The following KRT85 variants were observed in gnomAD, a reference collection of about 807,000 sequenced individuals.
KRT85 encodes keratin 85.
In KRT85, 39 loss-of-function variants were observed where a neutral mutation model predicts 53.7. That is an observed-to-expected ratio of 0.73 (90% CI 0.56 to 0.95). The LOEUF (loss-of-function observed/expected upper bound fraction) is 0.95. KRT85 is among the 40% of genes least tolerant of loss of function. The probability of loss-of-function intolerance (pLI) is 0.00; values close to 1 mark genes in which losing one functional copy is unlikely to be tolerated. For synonymous variants in KRT85, 291 were observed against 277.5 expected (o/e 1.05, Z -0.48); for missense variants, 668 against 686.0 (o/e 0.97, Z 0.29).
chr12:52,363,908 G>A (rs913815419), intron 4 of KRT85, among the ~76,000 whole-genome samples, 160 bp downstream of exon 4: 1 of 152,200 alleles, frequency 6.6e-6, no homozygotes, highest in Admixed American at 6.5e-5. Flanking sequence ...CGTGGACATG[G>A]CCTCTGTATT....
chr12:52,364,757 A>G (rs954093589), intron 2 of KRT85: 2 of 1,355,642 alleles, frequency 1.5e-6, no homozygotes, highest in African/African-American at 2.9e-5. Flanking sequence ...ATTCCCCCAG[A>G]AGTAGCTCTA....
At chr12:52,361,874 G>A (rs939866388) in intron 7 of KRT85, among the ~76,000 whole-genome samples, 29 of 152,086 alleles carry the variant, frequency 1.9e-4, no homozygotes, top group African/African-American at 6.8e-4. Context: ...TAACACACAG[G>A]CCTGTGTGGC....
intron 1 of KRT85, among the ~76,000 whole-genome samples, chr12:52,366,272 C>T (rs1466282585): frequency 3.3e-5 from 5 of 152,262 alleles, no homozygotes; most frequent in Non-Finnish European, 1.5e-5. Context: ...CTACCACTGT[C>T]CTTGGAAAAT....
Position 52,362,393 on chromosome 12 carries a change from C to G in KRT85, c.1156G>C (p.Ala386Pro). The G allele has an allele frequency of 6.2e-7, 1 of 1,614,218 alleles. No homozygotes were observed. The highest frequency in any genetic ancestry group is 1.1e-5 in the South Asian group (1 of 91,084). ...AALSDARCKL[A>P]ELEGALQKAK... The stretch of plus-strand genomic sequence containing the variant: ...TTCTGCAGGGCGCCCTCCAGCTCAG[C>G]CAGCTTGCAGCGGGCATCGCTGAGG... Residue 386 changes from alanine to proline, a missense_variant, in exon 7 of 9, where the codon GCT becomes CCT. Physicochemically the swap from Ala to Pro is conservative, Grantham distance 27. This residue lies in a region of KRT85 where 488 missense variants were observed against 498.1 expected (regional missense o/e 0.98). Transcript: ENST00000257901.
chr12:52,366,747 T>TACACACACACACATGC (rs1939277241), intron 1 of KRT85, among the ~76,000 whole-genome samples: 1 of 151,798 alleles, frequency 6.6e-6, no homozygotes, highest in Admixed American at 6.6e-5. Flanking sequence ...CACACACATG[T>TACACACACACACATGC]ACACACACAC....
chr12:52,366,062 AG>A (rs1420201646), intron 1 of KRT85, among the ~76,000 whole-genome samples: 1 of 152,194 alleles, frequency 6.6e-6, no homozygotes, highest in Non-Finnish European at 1.5e-5. Flanking sequence ...CTGTGGACAC[AG>A]GAGGAGCCTG....
Position 52,362,339 on chromosome 12 carries a change from T to C in KRT85, c.1210A>G (p.Lys404Glu), listed in dbSNP as rs1395632785. ...GAGTTCATCACCTCCTGGTACTCCT[T>C]GAGCAGGCAGGCCATGTCCTGCTTG... Reference protein sequence around the residue: ...KAKQDMACLLKEYQEVMNSKL... With the variant: ...KAKQDMACLLEEYQEVMNSKL... Residue 404 changes from lysine (K) to glutamate (E), a missense_variant, in exon 7 of 9, where the codon AAG becomes GAG. Physicochemically the swap from Lys to Glu is moderately conservative, Grantham distance 56. Around this residue, in one of 3 missense-constraint regions of KRT85, gnomAD observed 488 missense variants for 498.1 expected, o/e 0.98. Transcript: ENST00000257901. 6.2e-7 allele frequency: 1 copy of C among 1,614,186 alleles called. No homozygotes were observed. The highest frequency in any genetic ancestry group is 8.5e-7 in the Non-Finnish European group (1 of 1,180,018).
At chr12:52,361,665 A>G (rs974127604) in intron 7 of KRT85, among the ~76,000 whole-genome samples, 167 bp from the exon 8 acceptor site, 14 of 152,190 alleles carry the variant, frequency 9.2e-5, no homozygotes, top group Non-Finnish European at 1.6e-4. Flanking sequence ...TGATGGTTTT[A>G]ACCATGAAGA....
At chr12:52,365,697 A>G (rs946270177) in intron 1 of KRT85, among the ~76,000 whole-genome samples, 19 of 152,266 alleles carry the variant, frequency 1.2e-4, no homozygotes, top group Admixed American at 1.0e-3. Flanking sequence ...TATATCATCT[A>G]ACTATGCATT....
chr12:52,366,889 T>C, intron 1 of KRT85, 97 bp downstream of exon 1: 2 of 1,601,558 alleles, frequency 1.2e-6, no homozygotes, highest in South Asian at 2.2e-5. Context: ...CTCTGCTGCC[T>C]CAAACCGGCA....
At position 52,361,016 on chromosome 12, in the gene KRT85, C is replaced by T. The variant is rs751347737; in HGVS notation, c.1361G>A (p.Cys454Tyr). The change falls in exon 9 of 9, where the codon TGT becomes TAT. Residue 454 changes from cysteine (C) to tyrosine (Y), a missense_variant. This residue lies in a region of KRT85 where 488 missense variants were observed against 498.1 expected (regional missense o/e 0.98). Coordinates refer to ENST00000257901, the MANE Select transcript of KRT85 (RefSeq NM_002283.4). ...CVSSSRGGVSCGGLSYSTTPG... is the reference protein window; with the variant it reads ...CVSSSRGGVSYGGLSYSTTPG... ...GGTGGTGCTGTAGGAGAGGCCCCCA[C>T]AGGAGACTCCACCACGGGAGCTGCT... The T allele has an allele frequency of 2.8e-5, 45 of 1,613,358 alleles. No individual in the cohort carries two copies. The highest frequency in any genetic ancestry group is 3.5e-5 in the Non-Finnish European group (41 of 1,179,750).
intron 1 of KRT85, 68 bp downstream of exon 1, chr12:52,366,918 C>A (rs1939280521): frequency 6.2e-7 from 1 of 1,613,168 alleles, no homozygotes; most frequent in Admixed American, 1.7e-5. Flanking sequence ...GTCTCCTCAG[C>A]AGACTGGGAC....
chr12:52,364,015 G>T (rs1939234191), intron 4 of KRT85, 53 bp downstream of exon 4: 4 of 1,372,266 alleles, frequency 2.9e-6, no homozygotes, highest in African/African-American at 2.9e-5. Flanking sequence ...CTGCTCCCCT[G>T]TCTCCAAAAC....
At chr12:52,365,286 T>C (rs1051683604) in intron 1 of KRT85, 116 bp from the exon 2 acceptor site, 4 of 1,149,316 alleles carry the variant, frequency 3.5e-6, no homozygotes, top group Admixed American at 3.9e-5. Context: ...AAGCTGAGTG[T>C]CTGCGGCTCA....
At position 52,360,902 on chromosome 12, in the gene KRT85, C is replaced by G. The variant is rs117675131; in HGVS notation, c.1475G>C (p.Arg492Pro). ...ACTCCCGCAGCTGAAGCTGGAGGAA[C>G]GAGGCTGGCAGGGGGCACAGGAGTC... ...APDSCAPCQPRSSSFSCGSSR... is the reference protein window; with the variant it reads ...APDSCAPCQPPSSSFSCGSSR... Residue 492 changes from arginine (R) to proline (P), a missense_variant, in exon 9 of 9, where the codon CGT (arginine) becomes CCT (proline). Physicochemically the swap from Arg to Pro is moderately radical, Grantham distance 103. Around this residue, in one of 3 missense-constraint regions of KRT85, gnomAD observed 488 missense variants for 498.1 expected, o/e 0.98. Coordinates refer to ENST00000257901, the MANE Select transcript of KRT85 (RefSeq NM_002283.4). The G allele has an allele frequency of 6.2e-7, 1 of 1,612,454 alleles. No individual in the cohort carries two copies. The highest frequency in any genetic ancestry group is 1.7e-5 in the Admixed American group (1 of 60,018).
Position 52,360,709 on chromosome 12 carries a change from GGTCTT to G in KRT85, c.*139_*143del. ...AAAAGGCGCAGGGGAGCGGCCCGAG[GGTCTT>G]TCCCTCTGTAGGTCTTTCCCTCTGT... is the stretch of plus-strand genomic sequence containing the variant. On this transcript the variant is annotated 3_prime_UTR_variant, in exon 9 of 9. Transcript: ENST00000257901. 1.1e-6 allele frequency: 1 copy of G among 940,532 alleles called. No homozygotes were observed. Among genetic ancestry groups the G allele is most frequent in the Non-Finnish European group, 1.7e-6 (1 of 592,752 alleles). 58.3% of individuals were successfully genotyped at this position (940,532 alleles called of 1,614,324 possible). A position where few individuals can be genotyped will look rare whatever the true frequency, so the allele number is the denominator to read the frequency against.
chr12:52,364,600 C>T, intron 2 of KRT85: 3 of 1,441,324 alleles, frequency 2.1e-6, no homozygotes, highest in Non-Finnish European at 1.8e-6. Context: ...CACATTCCTT[C>T]CCCCAAGTCT....
rs1374437322 is a variant in KRT85 at position 52,367,196 on chromosome 12, G to T, written c.210C>A (p.Gly70=). Residue 70 remains glycine (G), a synonymous_variant, in exon 1 of 9, where the codon GGC becomes GGA. Coordinates refer to ENST00000257901, the MANE Select transcript of KRT85 (RefSeq NM_002283.4). The part of the protein sequence containing the change: ...GSCGPRIAVG[G]FRAGSCGRSF... ...TGCGTCCGCAGGAGCCGGCTCGGAA[G>T]CCACCTACAGCTATCCGGGGCCCGC... The T allele has an allele frequency of 1.9e-6, 3 of 1,613,866 alleles. No homozygotes were observed. Among genetic ancestry groups the T allele is most frequent in the South Asian group, 1.1e-5 (1 of 91,040 alleles).
intron 8 of KRT85, among the ~76,000 whole-genome samples, 193 bp from the exon 9 acceptor site, chr12:52,361,239 G>A (rs1240305850): frequency 1.4e-5 from 2 of 147,492 alleles, no homozygotes; most frequent in Non-Finnish European, 2.9e-5. Flanking sequence ...CCTGGACCCC[G>A]GGGAGCAAAG....
Sources: gnomAD v4.1 joint callset for allele counts (sites outside exome capture counted in the v4.1 genomes callset) on GRCh38, gnomAD v4.1.1 for gene constraint, gnomAD v4.1.1 regional missense constraint, MANE v1.5 for transcripts, NCBI Gene and HGNC (gene_info 2026-07-23, HGNC 2026-07-21) for gene names.